SNX31: variants seen among roughly 807,000 people sequenced by gnomAD.
SNX31 encodes the protein sorting nexin 31, also known as sorting nexin-31.
In SNX31, 58 loss-of-function variants were observed where a neutral mutation model predicts 65.4. That is an observed-to-expected ratio of 0.89 (90% CI 0.72 to 1.10). The LOEUF is 1.10. Ranked by LOEUF, SNX31 falls within the 50% of genes least tolerant of loss-of-function variation. The probability of loss-of-function intolerance (pLI) is 0.00; values close to 1 mark genes in which losing one functional copy is unlikely to be tolerated. For missense variants in SNX31, 523 were observed against 529.7 expected (o/e 0.99, Z 0.12); for synonymous variants, 181 against 190.1 (o/e 0.95, Z 0.39).
chr8:100,629,313 A>C lies in SNX31; in HGVS notation c.321+1014T>G, dbSNP rs1182938264. Among the ~76,000 whole-genome samples the C allele has an allele frequency of 6.6e-6, 1 of 152,234 alleles. No homozygotes were observed. Among genetic ancestry groups the C allele is most frequent in the Non-Finnish European group, 1.5e-5 (1 of 68,042 alleles). On this transcript the variant is annotated intron_variant, in intron 4 of 13. Transcript: ENST00000311812. The surrounding 1 kb of genome is among the most constrained non-coding windows in gnomAD (Gnocchi z 5.1). ...GGGAAGAAAAGTTACTTTTCATTGT[A>C]TACGCTTGGCTATTTGAATTTTACT...
chr8:100,649,097 T>C (rs1453764729), intron 2 of SNX31, among the ~76,000 whole-genome samples, 177 bp downstream of exon 2: 2 of 152,214 alleles, frequency 1.3e-5, no homozygotes, highest in Non-Finnish European at 2.9e-5. Flanking sequence ...CATGCATTCA[T>C]CCAACTGTAT....
At position 100,610,936 on chromosome 8, in the gene SNX31, G is replaced by C. The variant is rs551308381; in HGVS notation, c.611+1064C>G. On this transcript the variant is annotated intron_variant, in intron 7 of 13. Transcript: ENST00000311812. This position sits in a 1 kb window ranked among gnomAD's most constrained non-coding sequence, Gnocchi z 4.0. ...TGGGCTGGGAGAGAGCGAGCCTAAG[G>C]AGCAATCCCCTGCAGCCACGGTAAT... 1.3e-5 allele frequency among the ~76,000 whole-genome samples: 2 copies of C among 152,298 alleles called. No individual in the cohort carries two copies. Among genetic ancestry groups the C allele is most frequent in the South Asian group, 4.1e-4 (2 of 4,832 alleles).
Position 100,649,341 on chromosome 8 carries a change from G to C in SNX31, c.74C>G (p.Ser25Cys). Residue 25 changes from serine to cysteine, a missense_variant, in exon 2 of 14, where the codon TCC becomes TGC. By Grantham distance (112) the Ser-to-Cys change is moderately radical. Transcript: ENST00000311812. ...DALGGRYVLY[S>C]VHLDGFLFCR... ...GAAGAGGAACCCGTCCAGGTGCACG[G>C]AGTACAGCTGCAAACACACAGACAC... is the stretch of plus-strand genomic sequence containing the variant. 1.2e-6 allele frequency: 2 copies of C among 1,613,896 alleles called. No homozygotes were observed. Among genetic ancestry groups the C allele is most frequent in the Non-Finnish European group, 1.7e-6 (2 of 1,179,822 alleles).
At chr8:100,615,870 C>G (rs10096723) in intron 5 of SNX31, among the ~76,000 whole-genome samples, 1 of 151,628 alleles carries the variant, frequency 6.6e-6, no homozygotes, top group Admixed American at 6.6e-5. Context: ...CCCGGGTTCA[C>G]GCCATTCTCC....
rs965925848 is a variant in SNX31 at position 100,622,200 on chromosome 8, T to C, written c.322-4470A>G. The stretch of plus-strand genomic sequence containing the variant: ...TTAATTAGTTTAAAGCCAGGTTAGA[T>C]GGCTGCCTAGAAGATAAGCTCCTAC... On this transcript the variant is annotated intron_variant, in intron 4 of 13. Coordinates refer to ENST00000311812, the MANE Select transcript of SNX31 (RefSeq NM_152628.4). This position sits in a 1 kb window ranked among gnomAD's most constrained non-coding sequence, Gnocchi z 5.0. 2.0e-5 allele frequency among the ~76,000 whole-genome samples: 3 copies of C among 152,220 alleles called. No individual in the cohort carries two copies. The highest frequency in any genetic ancestry group is 6.5e-5 in the Admixed American group (1 of 15,278).
chr8:100,656,168 G>A (rs1330071669), intron 1 of SNX31, among the ~76,000 whole-genome samples: 1 of 152,192 alleles, frequency 6.6e-6, no homozygotes, highest in East Asian at 1.9e-4. Flanking sequence ...GTCAACAGAA[G>A]ACAGAGGCCT....
At chr8:100,631,958 T>G (rs1363108575) in intron 3 of SNX31, among the ~76,000 whole-genome samples, 1 of 152,202 alleles carries the variant, frequency 6.6e-6, no homozygotes, top group Non-Finnish European at 1.5e-5. Context: ...GCTAAAAACT[T>G]TGTATATTTT....
chr8:100,615,923 C>A (rs1817148464), intron 5 of SNX31, among the ~76,000 whole-genome samples: 1 of 151,894 alleles, frequency 6.6e-6, no homozygotes, highest in African/African-American at 2.4e-5. Context: ...GCACCCGCCA[C>A]CACGCCCGGC....
At chr8:100,581,581 G>A (rs1813560085) in intron 12 of SNX31, among the ~76,000 whole-genome samples, 1 of 151,798 alleles carries the variant, frequency 6.6e-6, no homozygotes, top group Admixed American at 6.6e-5. Flanking sequence ...CTGCTTCTAG[G>A]GATGATCTGC....
rs936972862 is a variant in SNX31, at chr8:100,622,664, G to GTCAA, written c.322-4935_322-4934insTTGA. The stretch of plus-strand genomic sequence containing the variant: ...AGACTCCCTCTCAAAAAATAAATAA[G>GTCAA]TAAATAAATAAATAAATAAATAAAT... On this transcript the variant is annotated intron_variant, in intron 4 of 13. Transcript: ENST00000311812. The surrounding 1 kb of genome is among the most constrained non-coding windows in gnomAD (Gnocchi z 5.0). Among the ~76,000 whole-genome samples, 11 of 149,658 alleles carry GTCAA rather than the reference G, an allele frequency of 7.4e-5. No homozygotes were observed. Among genetic ancestry groups the GTCAA allele is most frequent in the African/African-American group, 2.7e-4 (11 of 40,650 alleles).
Position 100,648,985 on chromosome 8 carries a change from C to T in SNX31, c.141+289G>A, listed in dbSNP as rs777906975. Among the ~76,000 whole-genome samples, 25 of 152,248 alleles carry T rather than the reference C, an allele frequency of 1.6e-4. No homozygotes were observed. Among genetic ancestry groups the T allele is most frequent in the Admixed American group, 7.2e-4 (11 of 15,288 alleles). On this transcript the variant is annotated intron_variant, in intron 2 of 13. Transcript: ENST00000311812. This position sits in a 1 kb window ranked among gnomAD's most constrained non-coding sequence, Gnocchi z 4.3. ...AGCATAGCCCCAGCGCCCTGCCAGG[C>T]GGCGCTAGCGGGGATCACCCGGCTG...
At position 100,596,634 on chromosome 8, in the gene SNX31, C is replaced by T. The variant is rs1351068301; in HGVS notation, c.978+5G>A. The stretch of plus-strand genomic sequence containing the variant: ...ATGGGCAAAGCAAGGTGCCAAGATA[C>T]TCACAAGGAAAGTGACCTGCCAGCA... On this transcript the variant is annotated splice_donor_5th_base_variant and intron_variant, in intron 10 of 13. Coordinates refer to ENST00000311812, the MANE Select transcript of SNX31 (RefSeq NM_152628.4). The T allele has an allele frequency of 1.2e-6, 2 of 1,613,678 alleles. No individual in the cohort carries two copies. The highest frequency in any genetic ancestry group is 1.7e-6 in the Non-Finnish European group (2 of 1,179,586).
intron 5 of SNX31, among the ~76,000 whole-genome samples, chr8:100,615,543 C>T (rs1174497716): frequency 1.3e-5 from 2 of 152,300 alleles, no homozygotes; most frequent in South Asian, 4.1e-4. Flanking sequence ...AGAAATGCAT[C>T]GTTAGGCGAT....
chr8:100,588,760 T>C lies in SNX31; in HGVS notation c.1092+106A>G, dbSNP rs1387658099. Reference sequence around the variant, plus strand: ...CCCGAACGAGAGTGCATAGAACACTTTAGGGTCCTGCTCTAGTTGGGTTAG... The same window carrying C: ...CCCGAACGAGAGTGCATAGAACACTCTAGGGTCCTGCTCTAGTTGGGTTAG... On this transcript the variant is annotated intron_variant, in intron 11 of 13. Coordinates refer to ENST00000311812, the MANE Select transcript of SNX31 (RefSeq NM_152628.4). The surrounding 1 kb of genome is among the most constrained non-coding windows in gnomAD (Gnocchi z 4.8). 3 of 728,478 alleles carry C rather than the reference T, an allele frequency of 4.1e-6. No homozygotes were observed. Among genetic ancestry groups the C allele is most frequent in the African/African-American group, 1.8e-5 (1 of 56,240 alleles). The allele number at this position is 728,478 out of a possible 1,614,324, so 45.1% of individuals were successfully genotyped here.
intron 8 of SNX31, among the ~76,000 whole-genome samples, chr8:100,602,642 T>C (rs1247348761): frequency 6.6e-6 from 1 of 152,162 alleles, no homozygotes; most frequent in Admixed American, 6.5e-5. Context: ...TTTAGGGCCA[T>C]TATTAAGTAA....
At position 100,613,946 on chromosome 8, in the gene SNX31, A is replaced by G. The variant is rs1816946887; in HGVS notation, c.433-861T>C. Among the ~76,000 whole-genome samples the G allele has an allele frequency of 6.6e-6, 1 of 152,126 alleles. No individual in the cohort carries two copies. Among genetic ancestry groups the G allele is most frequent in the South Asian group, 2.1e-4 (1 of 4,826 alleles). On this transcript the variant is annotated intron_variant, in intron 5 of 13. Coordinates refer to ENST00000311812, the MANE Select transcript of SNX31 (RefSeq NM_152628.4). This position sits in a 1 kb window ranked among gnomAD's most constrained non-coding sequence, Gnocchi z 5.2. ...ACCACGCAAGGAGAGGCCTCCAAGC[A>G]CTGCCCTCCAGAGCTGCTTTACCCA...
chr8:100,580,215 T>G (rs1301058838), intron 12 of SNX31, among the ~76,000 whole-genome samples: 1 of 150,842 alleles, frequency 6.6e-6, no homozygotes, highest in East Asian at 2.0e-4. Context: ...ACCAGCATAC[T>G]CCTGATGTAC....
At chr8:100,583,716 C>T (rs1813766295) in intron 12 of SNX31, among the ~76,000 whole-genome samples, 1 of 152,132 alleles carries the variant, frequency 6.6e-6, no homozygotes, top group African/African-American at 2.4e-5. Context: ...TGGATTCTTT[C>T]TAGAGATAAA....
intron 4 of SNX31, among the ~76,000 whole-genome samples, chr8:100,621,580 T>A (rs897400450): frequency 6.6e-6 from 1 of 152,184 alleles, no homozygotes; most frequent in Non-Finnish European, 1.5e-5. Context: ...CCAGCTAACA[T>A]CCCCTCTGCC....
Sources: gnomAD v4.1 joint callset for allele counts (sites outside exome capture counted in the v4.1 genomes callset) on GRCh38, gnomAD v4.1.1 for gene constraint, Gnocchi (gnomAD v3.1) non-coding constraint, MANE v1.5 for transcripts, NCBI Gene and HGNC (gene_info 2026-07-23, HGNC 2026-07-21) for gene names.